Variants in CDH13 observed in about 807,000 individuals in gnomAD.
CDH13 encodes cadherin-13.
CDH13 carries 24 observed loss-of-function variants against 63.8 expected under a neutral mutation model. The observed-to-expected ratio is 0.38, with a 90% CI of 0.27 to 0.53. CDH13 has a LOEUF of 0.53. Ranked by LOEUF, CDH13 falls within the 20% of genes least tolerant of loss-of-function variation. The pLI is 0.85. For synonymous variants in CDH13, 503 were observed against 355.3 expected (o/e 1.42, Z -4.67); for missense variants, 1,049 against 903.1 (o/e 1.16, Z -2.07).
At chr16:83,716,494 TA>T (rs1908922607) in intron 10 of CDH13, among the ~76,000 whole-genome samples, 1 of 152,202 alleles carries the variant, frequency 6.6e-6, no homozygotes, top group African/African-American at 2.4e-5. Flanking sequence ...TGGCTTTTTT[TA>T]TGTCTTGAGT....
chr16:83,105,398 G>A (rs547415418), intron 3 of CDH13, among the ~76,000 whole-genome samples: 1 of 152,196 alleles, frequency 6.6e-6, no homozygotes, highest in Non-Finnish European at 1.5e-5. Flanking sequence ...TGAGCGCAGG[G>A]TGGCTGCACC....
chr16:83,485,595 C>G (rs975208607), intron 6 of CDH13, among the ~76,000 whole-genome samples: 2 of 152,130 alleles, frequency 1.3e-5, no homozygotes, highest in Non-Finnish European at 2.9e-5. Flanking sequence ...TCTGAGGTCC[C>G]TTTGACTTGT....
intron 6 of CDH13, among the ~76,000 whole-genome samples, chr16:83,452,967 C>G (rs892499465): frequency 6.6e-6 from 1 of 152,184 alleles, no homozygotes; most frequent in Non-Finnish European, 1.5e-5. Context: ...AAACTCAACT[C>G]TGCCATCTTC....
At chr16:82,864,820 A>G (rs940805732) in intron 2 of CDH13, among the ~76,000 whole-genome samples, 11 of 152,170 alleles carry the variant, frequency 7.2e-5, no homozygotes, top group African/African-American at 2.4e-4. Context: ...CATTAACCCA[A>G]AGGTCCAAGT....
intron 1 of CDH13, among the ~76,000 whole-genome samples, chr16:82,839,535 G>C (rs1315908024): frequency 6.6e-6 from 1 of 152,106 alleles, no homozygotes; most frequent in Admixed American, 6.5e-5. Flanking sequence ...TCCCTAACTG[G>C]AACCCAGCCC....
intron 9 of CDH13, among the ~76,000 whole-genome samples, chr16:83,677,935 G>A (rs546997608): frequency 7.4e-4 from 112 of 152,154 alleles, no homozygotes; most frequent in Non-Finnish European, 1.3e-3. Flanking sequence ...CTCAGTGTCC[G>A]GATCACTAAG....
At chr16:83,086,143 A>G (rs543228978) in intron 3 of CDH13, among the ~76,000 whole-genome samples, 1 of 152,322 alleles carries the variant, frequency 6.6e-6, no homozygotes, top group South Asian at 2.1e-4. Context: ...AAACTCAGAT[A>G]CCAGGCCACT....
intron 1 of CDH13, among the ~76,000 whole-genome samples, chr16:82,716,388 C>T (rs1288477614): frequency 1.3e-5 from 2 of 151,906 alleles, no homozygotes; most frequent in Non-Finnish European, 2.9e-5. Context: ...GAGATGGCTT[C>T]AGGTTCTGAC....
intron 7 of CDH13, among the ~76,000 whole-genome samples, chr16:83,539,053 A>C (rs933292010): frequency 1.9e-4 from 29 of 152,066 alleles, no homozygotes; most frequent in African/African-American, 6.8e-4. Context: ...TGGCATACAA[A>C]GTGTTTTCGA....
intron 7 of CDH13, among the ~76,000 whole-genome samples, chr16:83,579,443 A>C (rs752884841): frequency 6.6e-6 from 1 of 152,152 alleles, no homozygotes; most frequent in Non-Finnish European, 1.5e-5. Flanking sequence ...AAGGGGAAGT[A>C]GGTATGTCTT....
chr16:83,457,716 T>TA (rs1398037938), intron 6 of CDH13, among the ~76,000 whole-genome samples: 2 of 151,968 alleles, frequency 1.3e-5, no homozygotes, highest in South Asian at 2.1e-4. Context: ...GCCTTGCAGC[T>TA]AAAAGACAGG....
chr16:83,020,177 A>T (rs1015608738), intron 2 of CDH13, among the ~76,000 whole-genome samples: 1 of 152,228 alleles, frequency 6.6e-6, no homozygotes, highest in Non-Finnish European at 1.5e-5. Flanking sequence ...CGTCATGCAA[A>T]TATGAATATT....
intron 8 of CDH13, among the ~76,000 whole-genome samples, chr16:83,653,446 T>G (rs960914256): frequency 5.4e-4 from 1 of 1,846 alleles, no homozygotes; most frequent in African/African-American, 6.4e-4. Context: ...CACAAGCTGT[T>G]TTTTTTTTTT....
At chr16:82,737,442 T>C (rs1479553673) in intron 1 of CDH13, among the ~76,000 whole-genome samples, 1 of 152,224 alleles carries the variant, frequency 6.6e-6, no homozygotes, top group African/African-American at 2.4e-5. Flanking sequence ...TACCTCCCAC[T>C]GAACAAAAGA....
chr16:82,655,162 C>A (rs1017484383), intron 1 of CDH13, among the ~76,000 whole-genome samples: 1 of 152,200 alleles, frequency 6.6e-6, no homozygotes, highest in Non-Finnish European at 1.5e-5. Context: ...CCCGCAAGCA[C>A]CAGGAAAATA....
intron 8 of CDH13, among the ~76,000 whole-genome samples, chr16:83,658,800 C>A (rs1913146406): frequency 7.1e-6 from 1 of 140,716 alleles, no homozygotes; most frequent in Non-Finnish European, 1.5e-5. Context: ...TCCTCACCAC[C>A]AGGTCCCATA....
intron 3 of CDH13, among the ~76,000 whole-genome samples, chr16:83,107,147 G>GGAAATGTA (rs1257291669): frequency 3.9e-5 from 6 of 152,162 alleles, no homozygotes; most frequent in Non-Finnish European, 7.3e-5. Flanking sequence ...TCCTACATTA[G>GGAAATGTA]GTTATTTTTT....
chr16:83,102,375 C>T (rs533306151), intron 3 of CDH13, among the ~76,000 whole-genome samples: 1 of 152,096 alleles, frequency 6.6e-6, no homozygotes, highest in African/African-American at 2.4e-5. Context: ...GAAGAGATAC[C>T]CAGGCAGGGA....
At chr16:83,561,161 T>C (rs1172345235) in intron 7 of CDH13, among the ~76,000 whole-genome samples, 1 of 152,044 alleles carries the variant, frequency 6.6e-6, no homozygotes, top group African/African-American at 2.4e-5. Flanking sequence ...CAAAAGAGAC[T>C]TCAGGCCGGG....
Sources: gnomAD v4.1 joint callset for allele counts (sites outside exome capture counted in the v4.1 genomes callset) on GRCh38, gnomAD v4.1.1 for gene constraint, MANE v1.5 for transcripts, NCBI Gene and HGNC (gene_info 2026-07-23, HGNC 2026-07-21) for gene names.